Variants in HIKESHI observed in about 807,000 individuals in gnomAD.
HIKESHI encodes the protein protein Hikeshi.
In HIKESHI, 13 loss-of-function variants were observed where a neutral mutation model predicts 25.7. The observed-to-expected ratio is 0.51, with a 90% CI of 0.33 to 0.80. The LOEUF (loss-of-function observed/expected upper bound fraction) is 0.80. Ranked by LOEUF, HIKESHI falls within the 30% of genes least tolerant of loss-of-function variation. HIKESHI has a pLI of 0.02. For missense variants in HIKESHI, 174 were observed against 229.5 expected, an observed-to-expected ratio of 0.76 and a Z score of 1.56; for synonymous variants, 76 against 78.7, an observed-to-expected ratio of 0.97 and a Z score of 0.18.
rs71040229 is a variant in HIKESHI at position 86,316,771 on chromosome 11, C to CTTTTTTTT, written c.268+10322_268+10329dup. On this transcript the variant is annotated intron_variant, in intron 2 of 4. Transcript: ENST00000278483. ...TTATGAGTAATGAATCTGAAACATT[C>CTTTTTTTT]TTTTTTTTTTTTTTTTTTTTTTTTT... Among the ~76,000 whole-genome samples, 133 of 68,776 alleles carry CTTTTTTTT rather than the reference C, an allele frequency of 1.9e-3. 22 individuals are homozygous for CTTTTTTTT. The highest frequency in any genetic ancestry group is 2.5e-3 in the Non-Finnish European group (94 of 37,476). The allele number at this position is 68,776 out of a possible 152,430, so 45.1% of individuals were successfully genotyped here.
chr11:86,331,116 G>T (rs1263853206), intron 2 of HIKESHI, among the ~76,000 whole-genome samples: 2 of 152,042 alleles, frequency 1.3e-5, no homozygotes, highest in Non-Finnish European at 2.9e-5. Flanking sequence ...GTAGTACCTT[G>T]TACACAGTTG....
chr11:86,313,480 C>T (rs1946890052), intron 2 of HIKESHI, among the ~76,000 whole-genome samples: 2 of 152,158 alleles, frequency 1.3e-5, no homozygotes, highest in African/African-American at 2.4e-5. Flanking sequence ...GATCCACCCA[C>T]CTCAGCCTCC....
intron 2 of HIKESHI, among the ~76,000 whole-genome samples, chr11:86,320,231 T>G (rs1177535409): frequency 6.6e-6 from 1 of 152,242 alleles, no homozygotes; most frequent in Non-Finnish European, 1.5e-5. Context: ...CCAATTTTAA[T>G]TTTTCAGTTT....
intron 2 of HIKESHI, among the ~76,000 whole-genome samples, chr11:86,311,064 G>C (rs1946820635): frequency 6.6e-6 from 1 of 152,174 alleles, no homozygotes; most frequent in South Asian, 2.1e-4. Context: ...TCAGGATGAT[G>C]TTGGCCTCAT....
intron 3 of HIKESHI, among the ~76,000 whole-genome samples, chr11:86,341,240 A>G (rs1565744255): frequency 6.6e-6 from 1 of 152,200 alleles, no homozygotes; most frequent in Non-Finnish European, 1.5e-5. Flanking sequence ...TTTTTGTTAA[A>G]TCAGTATTAA....
At chr11:86,340,792 G>T (rs113507119) in intron 3 of HIKESHI, among the ~76,000 whole-genome samples, 1 of 151,984 alleles carries the variant, frequency 6.6e-6, no homozygotes, top group Non-Finnish European at 1.5e-5. Context: ...TTACAGGCGC[G>T]TGCCACCAGG....
intron 2 of HIKESHI, among the ~76,000 whole-genome samples, chr11:86,329,583 T>G (rs1040914640): frequency 6.6e-6 from 1 of 151,850 alleles, no homozygotes; most frequent in Non-Finnish European, 1.5e-5. Flanking sequence ...TCTTTTTTTT[T>G]TTTTTTCTTT....
At chr11:86,310,986 G>A (rs1946818717) in intron 2 of HIKESHI, among the ~76,000 whole-genome samples, 1 of 152,088 alleles carries the variant, frequency 6.6e-6, no homozygotes, top group African/African-American at 2.4e-5. Context: ...GAGGATTTTT[G>A]CATCGATGTT....
At chr11:86,327,391 T>G (rs1399454054) in intron 2 of HIKESHI, among the ~76,000 whole-genome samples, 9 of 152,032 alleles carry the variant, frequency 5.9e-5, no homozygotes, top group Non-Finnish European at 7.4e-5. Context: ...CTCGGCTCAC[T>G]GCCAGCTCCG....
intron 2 of HIKESHI, among the ~76,000 whole-genome samples, chr11:86,333,792 AT>A (rs1009638132): frequency 1.6e-4 from 25 of 152,210 alleles, no homozygotes; most frequent in African/African-American, 4.6e-4. Context: ...GAAAAAAAAA[AT>A]AATTGGCTTG....
At chr11:86,345,020 T>G in intron 4 of HIKESHI, 19 of 637,514 alleles carry the variant, frequency 3.0e-5, no homozygotes, top group Non-Finnish European at 4.0e-5. Flanking sequence ...GTACCATCTA[T>G]GAGAGTAGTT....
chr11:86,336,907 C>T (rs944893812), intron 2 of HIKESHI, among the ~76,000 whole-genome samples: 4 of 150,236 alleles, frequency 2.7e-5, no homozygotes, highest in South Asian at 4.2e-4. Context: ...GTCTTCTAGA[C>T]GGTAGTGGAT....
At chr11:86,330,395 T>C (rs1277520260) in intron 2 of HIKESHI, among the ~76,000 whole-genome samples, 1 of 152,220 alleles carries the variant, frequency 6.6e-6, no homozygotes, top group Non-Finnish European at 1.5e-5. Flanking sequence ...ATTCTCATCA[T>C]ATTTGTACCA....
At chr11:86,343,082 G>T (rs930422441) in intron 3 of HIKESHI, among the ~76,000 whole-genome samples, 1 of 152,082 alleles carries the variant, frequency 6.6e-6, no homozygotes. Context: ...TCTTTCCATT[G>T]AACATGGTAT....
At chr11:86,328,927 TGCGC>T (rs780428379) in intron 2 of HIKESHI, among the ~76,000 whole-genome samples, 1 of 133,640 alleles carries the variant, frequency 7.5e-6, no homozygotes, top group Non-Finnish European at 1.6e-5. Context: ...TGTGTGTGTG[TGCGC>T]GCACACACAC....
intron 1 of HIKESHI, 49 bp downstream of exon 1, chr11:86,302,527 C>G (rs774539185): frequency 1.3e-6 from 2 of 1,539,764 alleles, no homozygotes; most frequent in Non-Finnish European, 1.8e-6. Flanking sequence ...ATACCGAGGG[C>G]GAAGCCCTAC....
Position 86,302,349 on chromosome 11 carries a change from G to A in HIKESHI, c.-100G>A. The A allele has an allele frequency of 2.0e-6, 3 of 1,468,906 alleles. No individual in the cohort carries two copies. Among genetic ancestry groups the A allele is most frequent in the Non-Finnish European group, 2.8e-6 (3 of 1,078,622 alleles). The allele number at this position is 1,468,906 out of a possible 1,614,324, so 91.0% of individuals were successfully genotyped here. On this transcript the variant is annotated 5_prime_UTR_variant, in exon 1 of 5. Coordinates refer to ENST00000278483, the MANE Select transcript of HIKESHI (RefSeq NM_016401.4). ...GTAGTGGAGGGGCAGACACCCTCCCGCAAATTCTGGAAGGTTCTTAGTCTC... is the reference window on the plus strand; with the variant it reads ...GTAGTGGAGGGGCAGACACCCTCCCACAAATTCTGGAAGGTTCTTAGTCTC...
intron 2 of HIKESHI, among the ~76,000 whole-genome samples, chr11:86,309,224 G>C (rs1338575474): frequency 1.3e-5 from 2 of 152,118 alleles, no homozygotes; most frequent in Admixed American, 6.6e-5. Context: ...ATCCTCTCCA[G>C]CACCTGTTGT....
intron 3 of HIKESHI, among the ~76,000 whole-genome samples, chr11:86,339,193 C>G (rs188744458): frequency 3.4e-4 from 49 of 145,650 alleles, no homozygotes; most frequent in Non-Finnish European, 2.4e-4. Context: ...CTACACGTGC[C>G]CGCCACCAGG....
Sources: gnomAD v4.1 joint callset for allele counts (sites outside exome capture counted in the v4.1 genomes callset) on GRCh38, gnomAD v4.1.1 for gene constraint, MANE v1.5 for transcripts, NCBI Gene and HGNC (gene_info 2026-07-23, HGNC 2026-07-21) for gene names.